The following CNTNAP5 variants were observed in gnomAD, a reference collection of about 807,000 sequenced individuals.
CNTNAP5 encodes contactin associated protein family member 5, also known as contactin-associated protein-like 5.
CNTNAP5 carries 72 observed loss-of-function variants against 150.2 expected under a neutral mutation model. The observed-to-expected ratio is 0.48, with a 90% confidence interval of 0.40 to 0.58. CNTNAP5 has a LOEUF of 0.58. Among genes scored for constraint, CNTNAP5 ranks in the 20% least tolerant of loss-of-function variants. The pLI, the probability that CNTNAP5 is intolerant of heterozygous loss-of-function variation, is 0.00. For synonymous variants in CNTNAP5, 672 were observed against 619.8 expected (o/e 1.08, Z -1.25); for missense variants, 1,636 against 1,626.2 (o/e 1.01, Z -0.10).
chr2:124,225,286 T>A (rs1686427952), intron 2 of CNTNAP5, among the ~76,000 whole-genome samples: 1 of 152,128 alleles, frequency 6.6e-6, no homozygotes, highest in Non-Finnish European at 1.5e-5. Context: ...GTCATTGTGA[T>A]CTCTGATTCA....
intron 14 of CNTNAP5, among the ~76,000 whole-genome samples, chr2:124,763,442 C>T (rs372954542): frequency 1.3e-5 from 2 of 152,076 alleles, no homozygotes; most frequent in African/African-American, 4.8e-5. Context: ...TACAAGCACA[C>T]GTGGGGAAGA....
intron 3 of CNTNAP5, among the ~76,000 whole-genome samples, chr2:124,386,486 A>G (rs1228627181): frequency 6.6e-6 from 1 of 152,364 alleles, no homozygotes; most frequent in Middle Eastern, 3.4e-3. Flanking sequence ...AGTCTCTTCC[A>G]TAGTTGAACG....
At chr2:124,908,098 T>C (rs981034096) in intron 22 of CNTNAP5, among the ~76,000 whole-genome samples, 1 of 151,866 alleles carries the variant, frequency 6.6e-6, no homozygotes, top group African/African-American at 2.4e-5. Context: ...TGAGGCTGGA[T>C]GCAGTGGCTC....
rs1681009847 is a variant in CNTNAP5, at chr2:124,763,799, C to G, written c.2362C>G (p.Arg788Gly). The G allele has an allele frequency of 6.2e-7, 1 of 1,612,798 alleles. No homozygotes were observed. The highest frequency in any genetic ancestry group is 1.7e-4 in the Middle Eastern group (1 of 6,058). ...RIGPLRCYGD[R>G]RFWNAVSFYT... ...TGGTCCCTTGCGTTGCTATGGTGAC[C>G]GTGAGTACAAAATCGAAAGAAGCTT... The change falls in exon 15 of 24, where the codon CGA (arginine) becomes GGA (glycine). Residue 788 changes from arginine (R) to glycine (G), a missense_variant and splice_region_variant. By Grantham distance (125) the Arg-to-Gly change is moderately radical. Transcript: ENST00000682447.
chr2:124,241,121 T>C (rs1333840416), intron 2 of CNTNAP5, among the ~76,000 whole-genome samples: 2 of 152,168 alleles, frequency 1.3e-5, no homozygotes, highest in Non-Finnish European at 2.9e-5. Context: ...TTCAGAAGAT[T>C]TGTGAAACTT....
In CNTNAP5 at chr2:124,919,651, C is replaced by T. The variant is rs550512629; in HGVS notation, c.*5363C>T. 6.6e-6 allele frequency among the ~76,000 whole-genome samples: 1 copy of T among 152,168 alleles called. No individual in the cohort carries two copies. The highest frequency in any genetic ancestry group is 1.9e-4 in the East Asian group (1 of 5,158). ...AGTGCATTTGGATCATTGTCTTACTCATTAGGGAAAGAGGCAATATCATGG... is the reference window on the plus strand; with the variant it reads ...AGTGCATTTGGATCATTGTCTTACTTATTAGGGAAAGAGGCAATATCATGG... On this transcript the variant is annotated 3_prime_UTR_variant, in exon 24 of 24. Transcript: ENST00000682447.
At chr2:124,783,582 ATTTC>A (rs537853882) in intron 17 of CNTNAP5, among the ~76,000 whole-genome samples, 58 of 152,214 alleles carry the variant, frequency 3.8e-4, no homozygotes, top group African/African-American at 1.3e-3. Context: ...CACAACATTT[ATTTC>A]TACCAAACAA....
chr2:124,366,728 C>T (rs146788395), intron 3 of CNTNAP5, among the ~76,000 whole-genome samples: 177 of 152,288 alleles, frequency 1.2e-3, no homozygotes, highest in African/African-American at 4.1e-3. Flanking sequence ...TACCTAAGAC[C>T]TCAATCATCT....
intron 10 of CNTNAP5, among the ~76,000 whole-genome samples, chr2:124,551,231 C>A (rs1372101595): frequency 6.6e-6 from 1 of 152,110 alleles, no homozygotes; most frequent in Non-Finnish European, 1.5e-5. Flanking sequence ...ATCATCGCAA[C>A]AATCTGCGAT....
chr2:124,447,293 A>G (rs558998322), intron 6 of CNTNAP5, among the ~76,000 whole-genome samples: 6 of 152,134 alleles, frequency 3.9e-5, no homozygotes, highest in African/African-American at 1.4e-4. Context: ...GTGATGAAAG[A>G]TATTTACATT....
chr2:124,090,074 CAAT>C (rs150196511), intron 1 of CNTNAP5, among the ~76,000 whole-genome samples: 3,649 of 152,168 alleles, frequency 0.024, 66 homozygotes, highest in East Asian at 0.073. Flanking sequence ...CCTCAAGAGA[CAAT>C]ATTGAGTAAA....
intron 3 of CNTNAP5, among the ~76,000 whole-genome samples, chr2:124,354,030 A>T (rs1269182875): frequency 2.0e-5 from 3 of 152,224 alleles, no homozygotes; most frequent in Non-Finnish European, 4.4e-5. Context: ...AAAACTTAAC[A>T]GGATTCCAGA....
At chr2:124,620,018 G>T (rs1677579025) in intron 12 of CNTNAP5, among the ~76,000 whole-genome samples, 1 of 150,554 alleles carries the variant, frequency 6.6e-6, no homozygotes, top group Non-Finnish European at 1.5e-5. Flanking sequence ...GGTGTCTCAA[G>T]ATGGGTTTAA....
chr2:124,106,045 A>T (rs1209305933), intron 1 of CNTNAP5, among the ~76,000 whole-genome samples: 3 of 151,836 alleles, frequency 2.0e-5, no homozygotes, highest in Non-Finnish European at 4.4e-5. Context: ...GAAATCTACG[A>T]TTACTTTATT....
At chr2:124,682,949 A>G (rs1343961267) in intron 13 of CNTNAP5, among the ~76,000 whole-genome samples, 3 of 152,246 alleles carry the variant, frequency 2.0e-5, no homozygotes, top group African/African-American at 7.2e-5. Context: ...TTACACGTAA[A>G]CAACTGCAGT....
intron 3 of CNTNAP5, among the ~76,000 whole-genome samples, chr2:124,364,897 A>T (rs559947164): frequency 8.2e-4 from 124 of 152,126 alleles, no homozygotes; most frequent in African/African-American, 2.9e-3. Context: ...ATTCCTCATT[A>T]TGCCCTAACT....
At chr2:124,065,158 A>T (rs1921812) in intron 1 of CNTNAP5, among the ~76,000 whole-genome samples, 149,311 of 152,172 alleles carry the variant, frequency 0.98, 73,317 homozygotes, top group South Asian at 1. Context: ...GCAGCCAGGG[A>T]AGGGGAAAGT....
intron 8 of CNTNAP5, among the ~76,000 whole-genome samples, chr2:124,511,053 T>A (rs1694577318): frequency 6.6e-6 from 1 of 152,264 alleles, no homozygotes; most frequent in Non-Finnish European, 1.5e-5. Flanking sequence ...GCAATAGATA[T>A]CATGTTCTAT....
At chr2:124,782,053 G>A (rs907772116) in intron 17 of CNTNAP5, among the ~76,000 whole-genome samples, 8 of 152,128 alleles carry the variant, frequency 5.3e-5, no homozygotes, top group African/African-American at 1.9e-4. Context: ...ATGTAGATGA[G>A]GTTCATTTCT....
Sources: gnomAD v4.1 joint callset for allele counts (sites outside exome capture counted in the v4.1 genomes callset) on GRCh38, gnomAD v4.1.1 for gene constraint, MANE v1.5 for transcripts, NCBI Gene and HGNC (gene_info 2026-07-23, HGNC 2026-07-21) for gene names.